The following OR7C1 variants were observed in gnomAD, a reference collection of about 807,000 sequenced individuals.
The protein encoded by OR7C1 is olfactory receptor family 7 subfamily C member 1.
For missense variants in OR7C1, 324 were observed against 383.3 expected (o/e 0.85, Z 1.29); for synonymous variants, 152 against 160.7 (o/e 0.95, Z 0.41).
In OR7C1 at chr19:14,805,226, C is replaced by CA. The variant is rs1226378379; in HGVS notation, c.-434-4463dup. 1.5e-4 allele frequency among the ~76,000 whole-genome samples: 23 copies of CA among 149,324 alleles called. 1 individual carries two copies. In the East Asian group the frequency reaches 3.9e-3, roughly 25 times the overall value. On this transcript the variant is annotated intron_variant, in intron 2 of 4. Transcript: ENST00000641666. ...CCCCAGTCTGTACTCCTCCTGCCTG[C>CA]AAAAAAAAATCTGAGAGTTCTTGGG...
intron 1 of OR7C1, among the ~76,000 whole-genome samples, chr19:14,822,583 C>T (rs1200093768): frequency 1.3e-5 from 2 of 151,836 alleles, no homozygotes; most frequent in African/African-American, 2.4e-5. Flanking sequence ...GGGGTTTCAC[C>T]GTCTTGGCCA....
chr19:14,816,511 A>G (rs1175201074), intron 1 of OR7C1, among the ~76,000 whole-genome samples: 1 of 152,158 alleles, frequency 6.6e-6, no homozygotes, highest in Non-Finnish European at 1.5e-5. Flanking sequence ...GCCCTCGAAC[A>G]TCAGACCTCA....
At chr19:14,824,552 G>GTTTT (rs370309105) in intron 1 of OR7C1, 2 of 152,178 alleles carry the variant, frequency 1.3e-5, no homozygotes, top group African/African-American at 4.8e-5. Context: ...CAAAGGACAT[G>GTTTT]TTTTTTTCTT....
At chr19:14,810,351 A>G (rs1047419389) in intron 1 of OR7C1, among the ~76,000 whole-genome samples, 4 of 149,478 alleles carry the variant, frequency 2.7e-5, no homozygotes, top group Non-Finnish European at 5.9e-5. Context: ...TTTGTCCCCT[A>G]ACCACATTCA....
intron 2 of OR7C1, among the ~76,000 whole-genome samples, chr19:14,801,719 T>C (rs2044642688): frequency 6.6e-6 from 1 of 152,216 alleles, no homozygotes; most frequent in Admixed American, 6.5e-5. Flanking sequence ...CTGTATGACT[T>C]GGGAGGCCTC....
intron 1 of OR7C1, chr19:14,825,681 C>T (rs2044762502): frequency 6.6e-6 from 1 of 152,262 alleles, no homozygotes; most frequent in African/African-American, 2.4e-5. Flanking sequence ...CTGTGGCCAC[C>T]CTAGGTCAGC....
At chr19:14,810,348 C>T in intron 1 of OR7C1, among the ~76,000 whole-genome samples, 1 of 150,968 alleles carries the variant, frequency 6.6e-6, no homozygotes, top group East Asian at 1.9e-4. Context: ...GGTTTTGTCC[C>T]CTAACCACAT....
chr19:14,827,725 C>T lies in OR7C1; in HGVS notation c.-623+7349G>A, dbSNP rs56284724. 2.5e-3 allele frequency: 4,048 copies of T among 1,614,088 alleles called. 83 individuals are homozygous for T. In the African/African-American group the frequency reaches 0.047, roughly 19 times the overall value. On this transcript the variant is annotated intron_variant, in intron 1 of 4. Coordinates refer to ENST00000641666, the Ensembl canonical transcript of OR7C1. The stretch of plus-strand genomic sequence containing the variant: ...AGTTCACAGAAAAAGTGGGGGATTT[C>T]TAAGGCTGTGCAGAAGGACAGCCGT...
chr19:14,815,286 G>A (rs985643826), intron 1 of OR7C1, among the ~76,000 whole-genome samples: 49 of 152,228 alleles, frequency 3.2e-4, no homozygotes, highest in Non-Finnish European at 6.9e-4. Context: ...TTGAGGGATA[G>A]GGTCTACTTG....
At chr19:14,800,654 A>G (rs539544965) in exon 3 of OR7C1, 1 of 152,680 alleles carries the variant, frequency 6.5e-6, no homozygotes, top group Admixed American at 6.5e-5. Context: ...ACAAGCTGGG[A>G]GCTTGCACGG....
intron 1 of OR7C1, among the ~76,000 whole-genome samples, chr19:14,822,642 A>T (rs1373834006): frequency 1.3e-5 from 2 of 152,022 alleles, no homozygotes; most frequent in African/African-American, 4.8e-5. Flanking sequence ...TCAGCCTCCC[A>T]AAGTGCTGGG....
chr19:14,823,125 A>G (rs1239564062), intron 1 of OR7C1, among the ~76,000 whole-genome samples: 1 of 152,112 alleles, frequency 6.6e-6, no homozygotes, highest in Non-Finnish European at 1.5e-5. Context: ...GAAGGTTTAT[A>G]GCTTCAGGTG....
intron 1 of OR7C1, among the ~76,000 whole-genome samples, chr19:14,810,853 G>A (rs1355556766): frequency 1.3e-5 from 2 of 151,674 alleles, no homozygotes; most frequent in Non-Finnish European, 2.9e-5. Context: ...TCAGTTATTC[G>A]GTTTCTTCAT....
At chr19:14,822,303 C>A (rs1244154686) in intron 1 of OR7C1, among the ~76,000 whole-genome samples, 1 of 150,132 alleles carries the variant, frequency 6.7e-6, no homozygotes, top group Non-Finnish European at 1.5e-5. Flanking sequence ...GCTTGTACTA[C>A]CTTAAGTTTC....
intron 1 of OR7C1, among the ~76,000 whole-genome samples, chr19:14,823,917 T>TC (rs1232308063): frequency 6.6e-6 from 1 of 152,100 alleles, no homozygotes; most frequent in African/African-American, 2.4e-5. Context: ...TTTTTTTTTT[T>TC]TGGCAATTTG....
intron 1 of OR7C1, among the ~76,000 whole-genome samples, chr19:14,814,492 C>T (rs951978269): frequency 8.6e-5 from 13 of 151,846 alleles, no homozygotes; most frequent in Admixed American, 2.0e-4. Context: ...GGTGCGATCT[C>T]GGCTCACTGC....
chr19:14,808,928 C>T (rs866553874), intron 2 of OR7C1, among the ~76,000 whole-genome samples: 9 of 152,098 alleles, frequency 5.9e-5, no homozygotes, highest in South Asian at 2.1e-4. Flanking sequence ...TTATGCACCT[C>T]GTTGTATGCC....
At chr19:14,800,229 T>C in intron 4 of OR7C1, 27 bp downstream of exon 4, 2 of 1,369,630 alleles carry the variant, frequency 1.5e-6, no homozygotes, top group Non-Finnish European at 2.0e-6. Context: ...TAATTTTAAG[T>C]GAAGGAATCA....
At chr19:14,829,922 G>A (rs2044814657) in intron 1 of OR7C1, among the ~76,000 whole-genome samples, 1 of 152,162 alleles carries the variant, frequency 6.6e-6, no homozygotes, top group South Asian at 2.1e-4. Context: ...GAGTGCAGTG[G>A]TGTGATCATA....
Sources: allele counts gnomAD v4.1 joint callset (sites outside exome capture counted in the v4.1 genomes callset), GRCh38; gene constraint gnomAD v4.1.1; transcripts MANE v1.5; gene names NCBI Gene and HGNC (gene_info 2026-07-23, HGNC 2026-07-21).